The following CLN6 variants were observed in gnomAD, a reference collection of about 807,000 sequenced individuals.
CLN6 encodes the protein ceroid-lipofuscinosis neuronal protein 6.
Under a neutral mutation model 33.3 loss-of-function variants are expected in CLN6, and 22 were observed. The ratio of observed to expected loss-of-function variants is 0.66; its 90% CI spans 0.47 to 0.94. CLN6 has a LOEUF of 0.94. Among genes scored for constraint, CLN6 ranks in the 40% least tolerant of loss-of-function variants. The probability of loss-of-function intolerance (pLI) is 0.00; values close to 1 mark genes in which losing one functional copy is unlikely to be tolerated. For synonymous variants in CLN6, 201 were observed against 174.6 expected, an observed-to-expected ratio of 1.15 and a Z score of -1.19; for missense variants, 387 against 417.1, an observed-to-expected ratio of 0.93 and a Z score of 0.63.
chr15:68,221,647 G>A lies in CLN6; in HGVS notation c.84-2997C>T, dbSNP rs181484773. On this transcript the variant is annotated intron_variant, in intron 1 of 6. Transcript: ENST00000249806. ...CTAAGATTACAGGCTCTGCCCGGCC[G>A]CCACCCCATCTAGGAAGTGAGGAGC... Among the ~76,000 whole-genome samples, 767 of 151,788 alleles carry A rather than the reference G, an allele frequency of 5.1e-3. 10 individuals are homozygous for A. Among genetic ancestry groups the A allele is most frequent in the African/African-American group, 0.018 (738 of 41,364 alleles).
chr15:68,229,819 G>T, upstream of CLN6: 1 of 221,608 alleles, frequency 4.5e-6, no homozygotes, highest in Non-Finnish European at 8.1e-6. Flanking sequence ...TCCGCTAGGG[G>T]AGGGCCGGGC....
rs148541636 is a variant in CLN6, at chr15:68,228,947, T to C, written c.83+555A>G. Among the ~76,000 whole-genome samples the C allele has an allele frequency of 5.3e-5, 8 of 152,188 alleles. No individual in the cohort carries two copies. The East Asian group carries it at 1.6e-3, about 30-fold the overall frequency. Reference sequence around the variant, plus strand: ...AAAACTGAGAAGGGCTCCTCATTCATTCTCTGGACGGCAGCTTCCGCCCTT... The same window carrying C: ...AAAACTGAGAAGGGCTCCTCATTCACTCTCTGGACGGCAGCTTCCGCCCTT... On this transcript the variant is annotated intron_variant, in intron 1 of 6. Coordinates refer to ENST00000249806, the MANE Select transcript of CLN6 (RefSeq NM_017882.3). This position sits in a 1 kb window ranked among gnomAD's most constrained non-coding sequence, Gnocchi z 4.4.
Position 68,210,516 on chromosome 15 carries a change from C to A in CLN6, c.542+747G>T, listed in dbSNP as rs891745835. Among the ~76,000 whole-genome samples, 5 of 152,190 alleles carry A rather than the reference C, an allele frequency of 3.3e-5. No homozygotes were observed. The highest frequency in any genetic ancestry group is 9.6e-5 in the African/African-American group (4 of 41,454). ...ACCCTGGAAATGCCCGTGCAGGGTGCGTGTGCTGTGAGCACCAACTCAGGA... is the reference window on the plus strand; with the variant it reads ...ACCCTGGAAATGCCCGTGCAGGGTGAGTGTGCTGTGAGCACCAACTCAGGA... On this transcript the variant is annotated intron_variant, in intron 5 of 6. Transcript: ENST00000249806. The surrounding 1 kb of genome is among the most constrained non-coding windows in gnomAD (Gnocchi z 5.6).
Position 68,208,107 on chromosome 15 carries a change from C to T in CLN6, c.*33G>A, listed in dbSNP as rs746373221. On this transcript the variant is annotated 3_prime_UTR_variant, in exon 7 of 7. Coordinates refer to ENST00000249806, the MANE Select transcript of CLN6 (RefSeq NM_017882.3). The surrounding 1 kb of genome is among the most constrained non-coding windows in gnomAD (Gnocchi z 5.8). The stretch of plus-strand genomic sequence containing the variant: ...ATGCCCTCCATGGCCCACCCTCCCA[C>T]CCAGCAGAGCGCCAGAGCCTGGTGC... 79 of 1,581,884 alleles carry T rather than the reference C, an allele frequency of 5.0e-5. No homozygotes were observed. In the East Asian group the frequency reaches 1.7e-3, roughly 34 times the overall value.
chr15:68,218,464 C>T (rs753345175), intron 2 of CLN6, 72 bp downstream of exon 2: 7 of 1,093,052 alleles, frequency 6.4e-6, no homozygotes, highest in African/African-American at 1.5e-5. Flanking sequence ...TGTCTAAGGT[C>T]ACTCGGCAAA....
intron 1 of CLN6, among the ~76,000 whole-genome samples, chr15:68,243,450 A>T (rs904641126): frequency 5.9e-5 from 9 of 152,170 alleles, no homozygotes; most frequent in African/African-American, 1.9e-4. Context: ...TAGATATAAA[A>T]TTTTATTTAA....
At position 68,256,774 on chromosome 15, in the gene CLN6, C is replaced by A. The variant is rs1182586075; in HGVS notation, c.95G>T (p.Gly32Val). Residue 32 changes from glycine (G) to valine (V), a missense_variant, in exon 1 of 7, where the codon GGC becomes GTC. Gly to Val is a moderately radical substitution (Grantham distance 109). Transcript: ENST00000538696. The surrounding 1 kb of genome is among the most constrained non-coding windows in gnomAD (Gnocchi z 4.1). ...CAGTGGCTTGAAGGCTCGGCTCAAG[C>A]CCGCCTCGCCTCCCTCCCTCCTAGG... 2 of 702,156 alleles carry A rather than the reference C, an allele frequency of 2.8e-6. No individual in the cohort carries two copies. The highest frequency in any genetic ancestry group is 2.0e-5 in the Admixed American group (1 of 49,988). 43.5% of individuals were successfully genotyped at this position (702,156 alleles called of 1,614,324 possible).
rs1199195321 is a variant in CLN6, at chr15:68,207,010, T to C, written c.*1130A>G. 1 of 152,296 alleles carries C rather than the reference T, an allele frequency of 6.6e-6. No homozygotes were observed. The highest frequency in any genetic ancestry group is 2.4e-5 in the African/African-American group (1 of 41,420). The allele number at this position is 152,296 out of a possible 1,614,324, so 9.4% of individuals were successfully genotyped here. A position where few individuals can be genotyped will look rare whatever the true frequency, so the allele number is the denominator to read the frequency against. On this transcript the variant is annotated 3_prime_UTR_variant, in exon 7 of 7. Coordinates refer to ENST00000249806, the MANE Select transcript of CLN6 (RefSeq NM_017882.3). The stretch of plus-strand genomic sequence containing the variant: ...ACACCACTTGGGGCTGTGACTGTAT[T>C]TACTTCATTCTTGAATCCCGCGTCC...
At position 68,210,728 on chromosome 15, in the gene CLN6, G is replaced by C. The variant is rs1054335331; in HGVS notation, c.542+535C>G. Among the ~76,000 whole-genome samples, 3 of 152,170 alleles carry C rather than the reference G, an allele frequency of 2.0e-5. No individual in the cohort carries two copies. The East Asian group carries it at 5.8e-4, about 29-fold the overall frequency. On this transcript the variant is annotated intron_variant, in intron 5 of 6. Coordinates refer to ENST00000249806, the MANE Select transcript of CLN6 (RefSeq NM_017882.3). The surrounding 1 kb of genome is among the most constrained non-coding windows in gnomAD (Gnocchi z 5.6). The stretch of plus-strand genomic sequence containing the variant: ...CTCCCCCGACTGAGGGACGGGGTAG[G>C]TAGGAAAAGGTGCCCCTCTGGGAGT...
chr15:68,247,195 C>A lies in CLN6; in HGVS notation c.179+9495G>T, dbSNP rs543738411. 3.9e-5 allele frequency among the ~76,000 whole-genome samples: 6 copies of A among 152,128 alleles called. No individual in the cohort carries two copies. In the East Asian group the frequency reaches 9.6e-4, roughly 24 times the overall value. On this transcript the variant is annotated intron_variant, in intron 1 of 6. Coordinates refer to the CLN6 transcript ENST00000538696. The surrounding 1 kb of genome is among the most constrained non-coding windows in gnomAD (Gnocchi z 4.2). ...GGCAAGAGAAAGAAATAAAGAGAAT[C>A]CAATTTGGAAAGGAAGAATTCAAAT...
At chr15:68,229,846 C>T (rs940424136), upstream of CLN6, 8 of 263,328 alleles carry the variant, frequency 3.0e-5, no homozygotes, top group East Asian at 9.0e-5. Context: ...AGTGTGGCGT[C>T]CTCGCGGGGC....
rs1002773376 is a variant in CLN6 at position 68,256,129 on chromosome 15, C to T, written c.179+561G>A. On this transcript the variant is annotated intron_variant, in intron 1 of 6. Transcript: ENST00000538696. This position sits in a 1 kb window ranked among gnomAD's most constrained non-coding sequence, Gnocchi z 4.1. ...TTTTATTATTATTATTTTTTTGAGA[C>T]GGAGTCTTGCTCTGTCTCCCAAGCT... is the stretch of plus-strand genomic sequence containing the variant. Among the ~76,000 whole-genome samples, 1 of 151,836 alleles carries T rather than the reference C, an allele frequency of 6.6e-6. No individual in the cohort carries two copies. Among genetic ancestry groups the T allele is most frequent in the Non-Finnish European group, 1.5e-5 (1 of 67,982 alleles).
upstream of CLN6, chr15:68,257,142 G>A: frequency 3.0e-6 from 1 of 335,862 alleles, no homozygotes; most frequent in East Asian, 4.6e-5. Context: ...CACGGCAGCG[G>A]TGCCCAGGGG....
Position 68,256,994 on chromosome 15 carries a change from A to T in CLN6, c.-126T>A, listed in dbSNP as rs2141169436. 1.8e-6 allele frequency: 1 copy of T among 561,056 alleles called. No homozygotes were observed. Among genetic ancestry groups the T allele is most frequent in the Admixed American group, 3.1e-5 (1 of 32,508 alleles). The allele number at this position is 561,056 out of a possible 1,614,324, so 34.8% of individuals were successfully genotyped here. A position where few individuals can be genotyped will look rare whatever the true frequency, so the allele number is the denominator to read the frequency against. ...CCCTGGGCTTCTCCGGCACACCTGT[A>T]TCTAGGGACTGAGCGCGACTGACGC... is the stretch of plus-strand genomic sequence containing the variant. On this transcript the variant is annotated 5_prime_UTR_variant, in exon 1 of 7. Coordinates refer to the CLN6 transcript ENST00000538696. The surrounding 1 kb of genome is among the most constrained non-coding windows in gnomAD (Gnocchi z 4.1).
intron 1 of CLN6, among the ~76,000 whole-genome samples, chr15:68,229,120 TG>T (rs1362440105): frequency 1.3e-5 from 2 of 151,398 alleles, no homozygotes; most frequent in Non-Finnish European, 2.9e-5. Context: ...GCGGATAAGT[TG>T]GGGGTCCGAG....
rs897337288 is a variant in CLN6 at position 68,241,162 on chromosome 15, T to G, written c.179+15528A>C. Among the ~76,000 whole-genome samples, 1 of 152,174 alleles carries G rather than the reference T, an allele frequency of 6.6e-6. No homozygotes were observed. Among genetic ancestry groups the G allele is most frequent in the African/African-American group, 2.4e-5 (1 of 41,442 alleles). ...AAAGGGAAACATTTCTAAAAACATA[T>G]AACTTATCAAAGCTGCATCAAGAAA... On this transcript the variant is annotated intron_variant, in intron 1 of 6. Transcript: ENST00000538696. This position sits in a 1 kb window ranked among gnomAD's most constrained non-coding sequence, Gnocchi z 4.2.
chr15:68,256,253 C>A lies in CLN6; in HGVS notation c.179+437G>T, dbSNP rs766305954. On this transcript the variant is annotated intron_variant, in intron 1 of 6. Transcript: ENST00000538696. The surrounding 1 kb of genome is among the most constrained non-coding windows in gnomAD (Gnocchi z 4.1). ...TCCCAAATAGCTAAGATTACAGCCA[C>A]GCGCCACCATGCCCAGCTAATTTTT... Among the ~76,000 whole-genome samples, 1 of 151,986 alleles carries A rather than the reference C, an allele frequency of 6.6e-6. No individual in the cohort carries two copies. The highest frequency in any genetic ancestry group is 2.1e-4 in the South Asian group (1 of 4,820).
rs28842872 is a variant in CLN6, at chr15:68,236,781, C to G, written c.180-18131G>C. 0.011 allele frequency among the ~76,000 whole-genome samples: 1,740 copies of G among 152,258 alleles called. 32 individuals carry two copies. The highest frequency in any genetic ancestry group is 0.04 in the African/African-American group (1,667 of 41,534). The stretch of plus-strand genomic sequence containing the variant: ...AAAGCTATTATTTAAGAAAATAAGG[C>G]AAAGACCTTTGCAATTGATCAGACA... On this transcript the variant is annotated intron_variant, in intron 1 of 6. Coordinates refer to the CLN6 transcript ENST00000538696. The surrounding 1 kb of genome is among the most constrained non-coding windows in gnomAD (Gnocchi z 4.5).
rs1567094987 is a variant in CLN6, at chr15:68,209,411, GC to G, written c.665+225del. ...GGATGGAGACAGACTGTGCAACCTC[GC>G]CCTCTCCTCCCACCTCCCTGCCACA... On this transcript the variant is annotated intron_variant, in intron 6 of 6. Transcript: ENST00000249806. The surrounding 1 kb of genome is among the most constrained non-coding windows in gnomAD (Gnocchi z 4.9). Among the ~76,000 whole-genome samples, 1 of 152,028 alleles carries G rather than the reference GC, an allele frequency of 6.6e-6. No individual in the cohort carries two copies. Among genetic ancestry groups the G allele is most frequent in the Non-Finnish European group, 1.5e-5 (1 of 67,994 alleles).
Sources: gnomAD v4.1 joint callset for allele counts (sites outside exome capture counted in the v4.1 genomes callset) on GRCh38, gnomAD v4.1.1 for gene constraint, Gnocchi (gnomAD v3.1) non-coding constraint, MANE v1.5 for transcripts, NCBI Gene and HGNC (gene_info 2026-07-23, HGNC 2026-07-21) for gene names.